Variants in RFXAP observed in about 807,000 individuals in gnomAD.
The protein encoded by RFXAP is regulatory factor X-associated protein.
Under a neutral mutation model 25.7 loss-of-function variants are expected in RFXAP, and 21 were observed. That is an observed-to-expected ratio of 0.82 (90% confidence interval 0.58 to 1.18). RFXAP has a LOEUF of 1.18. Ranked by LOEUF, RFXAP falls within the 50% of genes most tolerant of loss-of-function variation. The pLI is 0.00. For synonymous variants in RFXAP, 161 were observed against 152.2 expected (o/e 1.06, Z -0.43); for missense variants, 333 against 363.0 (o/e 0.92, Z 0.67).
rs556693360 is a variant in RFXAP, at chr13:36,825,129, C to T, written c.601-299C>T. ...ACTCTGCCTCAATCTTAGTGGCCCA[C>T]CTCTCACAGTATTACTATATCACAC... is the stretch of plus-strand genomic sequence containing the variant. On this transcript the variant is annotated intron_variant, in intron 1 of 2. Transcript: ENST00000255476. Among the ~76,000 whole-genome samples the T allele has an allele frequency of 7.3e-4, 111 of 152,232 alleles. 2 individuals carry two copies. The highest frequency in any genetic ancestry group is 2.5e-3 in the African/African-American group (104 of 41,522).
At position 36,819,716 on chromosome 13, in the gene RFXAP, G is replaced by T. The variant is rs199978715; in HGVS notation, c.359G>T (p.Gly120Val). The change falls in exon 1 of 3, where the codon GGC (glycine) becomes GTC (valine). Residue 120 changes from glycine (G) to valine (V), a missense_variant. By Grantham distance (109) the Gly-to-Val change is moderately radical (BLOSUM62 -3). Coordinates refer to ENST00000255476, the MANE Select transcript of RFXAP (RefSeq NM_000538.4). ...GAGGACGAGGAGACTCACTCGGGGGGCGAGGGCAGCAGCGGGGGCGCCCGG... is the reference window on the plus strand; with the variant it reads ...GAGGACGAGGAGACTCACTCGGGGGTCGAGGGCAGCAGCGGGGGCGCCCGG... ...DLEDEETHSG[G>V]EGSSGGARRR... The T allele has an allele frequency of 6.8e-5, 106 of 1,550,604 alleles. No homozygotes were observed. In the East Asian group the frequency reaches 2.5e-3, roughly 36 times the overall value.
rs199838316 is a variant in RFXAP at position 36,819,357 on chromosome 13, C to T, written c.-1C>T. On this transcript the variant is annotated 5_prime_UTR_variant, in exon 1 of 3. Coordinates refer to ENST00000255476, the MANE Select transcript of RFXAP (RefSeq NM_000538.4). ...GTGGACCCCGGCCAGGTCTTAGCAG[C>T]ATGGAGGCGCAGGGTGTAGCGGAGG... 1 of 1,266,684 alleles carries T rather than the reference C, an allele frequency of 7.9e-7. No homozygotes were observed. The highest frequency in any genetic ancestry group is 9.9e-7 in the Non-Finnish European group (1 of 1,005,608). 78.5% of individuals were successfully genotyped at this position (1,266,684 alleles called of 1,614,324 possible). A position where few individuals can be genotyped will look rare whatever the true frequency, so the allele number is the denominator to read the frequency against.
chr13:36,825,482 GA>G lies in RFXAP; in HGVS notation c.656del (p.Asp219ValfsTer9), dbSNP rs1318315711. On this transcript the variant is annotated frameshift_variant, in exon 2 of 3. Coordinates refer to ENST00000255476, the MANE Select transcript of RFXAP (RefSeq NM_000538.4). LOFTEE classifies it high-confidence loss of function. ...IVKQRTGSFG[D>X]RPARPTLLEQ... The stretch of plus-strand genomic sequence containing the variant: ...TAAACAAAGAACAGGATCTTTTGGG[GA>G]TCGTCCTGCAAGACCTACTCTTTTA... 1 of 1,612,840 alleles carries G rather than the reference GA, an allele frequency of 6.2e-7. No homozygotes were observed. The highest frequency in any genetic ancestry group is 8.5e-7 in the Non-Finnish European group (1 of 1,179,544).
intron 1 of RFXAP, 45 bp from the exon 2 acceptor site, chr13:36,825,383 T>C (rs554279338): frequency 1.8e-5 from 24 of 1,331,950 alleles, no homozygotes; most frequent in Non-Finnish European, 2.5e-5. Context: ...TCATGACTTA[T>C]TACGTTAACT....
chr13:36,825,263 C>G (rs956053238), intron 1 of RFXAP, among the ~76,000 whole-genome samples, 165 bp from the exon 2 acceptor site: 2 of 152,106 alleles, frequency 1.3e-5, no homozygotes, highest in Non-Finnish European at 2.9e-5. Flanking sequence ...AATTAACTGC[C>G]AATACTTTGC....
intron 2 of RFXAP, 114 bp from the exon 3 acceptor site, chr13:36,827,529 A>G: frequency 1.3e-6 from 1 of 755,422 alleles, no homozygotes; most frequent in Non-Finnish European, 2.2e-6. Flanking sequence ...TGATTCAGGC[A>G]TATTCTTGTG....
At chr13:36,826,924 A>C (rs1477150930) in intron 2 of RFXAP, among the ~76,000 whole-genome samples, 2 of 152,110 alleles carry the variant, frequency 1.3e-5, no homozygotes, top group African/African-American at 4.8e-5. Flanking sequence ...CGAGGAGTTC[A>C]AGACTGCAGT....
At position 36,825,488 on chromosome 13, in the gene RFXAP, C is replaced by T; in HGVS notation, c.661C>T (p.Pro221Ser). The T allele has an allele frequency of 6.2e-7, 1 of 1,612,938 alleles. No individual in the cohort carries two copies. Among genetic ancestry groups the T allele is most frequent in the Non-Finnish European group, 8.5e-7 (1 of 1,179,516 alleles). The change falls in exon 2 of 3, where the codon CCT becomes TCT. Residue 221 changes from proline (P) to serine (S), a missense_variant. Transcript: ENST00000255476. ...AAGAACAGGATCTTTTGGGGATCGT[C>T]CTGCAAGACCTACTCTTTTAGAACA... ...KQRTGSFGDR[P>S]ARPTLLEQVL...
In RFXAP at chr13:36,819,354, C is replaced by A. The variant is rs2057953167; in HGVS notation, c.-4C>A. On this transcript the variant is annotated 5_prime_UTR_variant, in exon 1 of 3. Transcript: ENST00000255476. ...GTCGTGGACCCCGGCCAGGTCTTAG[C>A]AGCATGGAGGCGCAGGGTGTAGCGG... The A allele has an allele frequency of 4.7e-6, 6 of 1,264,856 alleles. No homozygotes were observed. Among genetic ancestry groups the A allele is most frequent in the Admixed American group, 8.3e-5 (2 of 24,162 alleles). 78.4% of individuals were successfully genotyped at this position (1,264,856 alleles called of 1,614,324 possible).
chr13:36,826,854 T>C (rs1450771141), intron 2 of RFXAP, among the ~76,000 whole-genome samples: 1 of 152,162 alleles, frequency 6.6e-6, no homozygotes, highest in Non-Finnish European at 1.5e-5. Context: ...TATAAATTTA[T>C]GTAAGTATTT....
intron 1 of RFXAP, among the ~76,000 whole-genome samples, chr13:36,822,870 C>T (rs1170639216): frequency 1.3e-5 from 2 of 152,130 alleles, no homozygotes; most frequent in African/African-American, 4.8e-5. Context: ...AAGAAAATAA[C>T]AGTGCCAGCC....
rs1458111935 is a variant in RFXAP, at chr13:36,819,593, G to A, written c.236G>A (p.Gly79Glu). 7.2e-6 allele frequency: 11 copies of A among 1,536,366 alleles called. No individual in the cohort carries two copies. In the African/African-American group the frequency reaches 1.5e-4, roughly 21 times the overall value. ...GTTAGGTACCTGTGCGAAGGGGCCGGGGATGGCGAAGAGGAGGCTGGGGAG... is the reference window on the plus strand; with the variant it reads ...GTTAGGTACCTGTGCGAAGGGGCCGAGGATGGCGAAGAGGAGGCTGGGGAG... ...KPVRYLCEGA[G>E]DGEEEAGEDE... The change falls in exon 1 of 3, where the codon GGG becomes GAG. Residue 79 changes from glycine to glutamate, a missense_variant. By Grantham distance (98) the Gly-to-Glu change is moderately conservative. Coordinates refer to ENST00000255476, the MANE Select transcript of RFXAP (RefSeq NM_000538.4).
Position 36,819,541 on chromosome 13 carries a change from G to A in RFXAP, c.184G>A (p.Gly62Arg), listed in dbSNP as rs2057954457. ...TGGGCAGGACGAGGCTGCGGCCCCC[G>A]GGGGCAGCGTTGGGGCGGGCAAGCC... The part of the protein sequence containing the change: ...CAGQDEAAAP[G>R]GSVGAGKPVR... The change falls in exon 1 of 3, where the codon GGG becomes AGG. Residue 62 changes from glycine to arginine, a missense_variant. Transcript: ENST00000255476. The A allele has an allele frequency of 3.3e-6, 5 of 1,522,176 alleles. No homozygotes were observed. The highest frequency in any genetic ancestry group is 2.2e-5 in the Admixed American group (1 of 45,658). The allele number at this position is 1,522,176 out of a possible 1,614,324, so 94.3% of individuals were successfully genotyped here. A position where few individuals can be genotyped will look rare whatever the true frequency, so the allele number is the denominator to read the frequency against.
rs1358013702 is a variant in RFXAP at position 36,819,799 on chromosome 13, G to C, written c.442G>C (p.Glu148Gln). The C allele has an allele frequency of 6.3e-7, 1 of 1,589,100 alleles. No homozygotes were observed. Among genetic ancestry groups the C allele is most frequent in the Non-Finnish European group, 8.6e-7 (1 of 1,166,898 alleles). The change falls in exon 1 of 3, where the codon GAG becomes CAG. Residue 148 changes from glutamate (E) to glutamine (Q), a missense_variant. By Grantham distance (29) the Glu-to-Gln change is conservative (BLOSUM62 2). Transcript: ENST00000255476. ...SKTCTYEGCS[E>Q]TTSQVAKQRK... ...GACCTGCACCTACGAAGGCTGCAGC[G>C]AGACCACGAGCCAGGTGGCCAAGCA...
In RFXAP at chr13:36,819,960, A is replaced by G. The variant is rs372895488; in HGVS notation, c.600+3A>G. On this transcript the variant is annotated splice_donor_region_variant and intron_variant, in intron 1 of 2. Transcript: ENST00000255476. Reference sequence around the variant, plus strand: ...GCGCGGGAAACGTCAAACTCGAGGTATCAGACTTAGCTGAGGCCTGGGGAT... The same window carrying G: ...GCGCGGGAAACGTCAAACTCGAGGTGTCAGACTTAGCTGAGGCCTGGGGAT... 7 of 1,613,686 alleles carry G rather than the reference A, an allele frequency of 4.3e-6. No homozygotes were observed. The highest frequency in any genetic ancestry group is 4.5e-5 in the East Asian group (2 of 44,876).
chr13:36,824,280 T>C (rs973326359), intron 1 of RFXAP, among the ~76,000 whole-genome samples: 13 of 152,108 alleles, frequency 8.5e-5, no homozygotes, highest in African/African-American at 3.1e-4. Context: ...AAAATCAACT[T>C]GGGGGTTGCT....
intron 1 of RFXAP, among the ~76,000 whole-genome samples, chr13:36,821,184 C>T (rs2057960599): frequency 6.9e-6 from 1 of 143,944 alleles, no homozygotes; most frequent in Non-Finnish European, 1.5e-5. Context: ...TGCATTCCAG[C>T]CTGGATGACA....
chr13:36,826,699 A>G (rs1207103592), intron 2 of RFXAP, among the ~76,000 whole-genome samples: 2 of 152,250 alleles, frequency 1.3e-5, no homozygotes, highest in Non-Finnish European at 2.9e-5. Flanking sequence ...AACAGCTAAG[A>G]TGATTTTTAA....
At chr13:36,821,177 A>G (rs984075545) in intron 1 of RFXAP, among the ~76,000 whole-genome samples, 2 of 143,176 alleles carry the variant, frequency 1.4e-5, no homozygotes, top group African/African-American at 5.2e-5. Context: ...GCATCACTGC[A>G]TTCCAGCCTG....
Sources: gnomAD v4.1 joint callset for allele counts (sites outside exome capture counted in the v4.1 genomes callset) on GRCh38, gnomAD v4.1.1 for gene constraint, MANE v1.5 for transcripts, NCBI Gene and HGNC (gene_info 2026-07-23, HGNC 2026-07-21) for gene names.